The following PABPC4L variants were observed in gnomAD, a reference collection of about 807,000 sequenced individuals.
PABPC4L encodes poly(A) binding protein cytoplasmic 4 like.
For missense variants in PABPC4L, 452 were observed against 451.4 expected (o/e 1.00, Z -0.01); for synonymous variants, 169 against 164.1 (o/e 1.03, Z -0.23).
the PABPC4L span, among the ~76,000 whole-genome samples, chr4:134,144,637 T>G: frequency 6.6e-6 from 1 of 151,296 alleles, no homozygotes; most frequent in African/African-American, 2.4e-5. Context: ...TCTTTAAACC[T>G]ACTATAAACT....
At position 134,197,202 on chromosome 4, in the gene PABPC4L, A is replaced by T. The variant is rs1315882568; in HGVS notation, c.*2705T>A. ...TAGTATAAGAATCTATGTGAAACTCATATGCCAACTCTAATTCATTGGCTC... is the reference window on the plus strand; with the variant it reads ...TAGTATAAGAATCTATGTGAAACTCTTATGCCAACTCTAATTCATTGGCTC... On this transcript the variant is annotated 3_prime_UTR_variant, in exon 2 of 2. Coordinates refer to ENST00000421491, the MANE Select transcript of PABPC4L (RefSeq NM_001114734.2). 1.3e-5 allele frequency: 2 copies of T among 151,742 alleles called. No homozygotes were observed. The highest frequency in any genetic ancestry group is 2.4e-5 in the African/African-American group (1 of 41,432). 9.4% of individuals were successfully genotyped at this position (151,742 alleles called of 1,614,324 possible).
At chr4:134,166,195 G>C in the PABPC4L span, among the ~76,000 whole-genome samples, 1 of 152,092 alleles carries the variant, frequency 6.6e-6, no homozygotes, top group Non-Finnish European at 1.5e-5. Flanking sequence ...CTACTCAGGT[G>C]ATGGCTGCAC....
chr4:134,101,783 G>A, the PABPC4L span, among the ~76,000 whole-genome samples: 19 of 151,408 alleles, frequency 1.3e-4, no homozygotes, highest in African/African-American at 4.6e-4. Context: ...GATAAAGCAT[G>A]AGACAAGGCC....
At chr4:133,995,846 C>T in the PABPC4L span, among the ~76,000 whole-genome samples, 1 of 152,290 alleles carries the variant, frequency 6.6e-6, no homozygotes, top group Non-Finnish European at 1.5e-5. Flanking sequence ...GTTGTTTTAG[C>T]TAGCACTGAC....
chr4:134,055,414 G>T, the PABPC4L span, among the ~76,000 whole-genome samples: 1 of 151,788 alleles, frequency 6.6e-6, no homozygotes, highest in Non-Finnish European at 1.5e-5. Flanking sequence ...GTCGTGTAGG[G>T]ACACAATGAG....
the PABPC4L span, among the ~76,000 whole-genome samples, chr4:134,101,554 G>A: frequency 6.6e-6 from 1 of 150,926 alleles, no homozygotes; most frequent in Non-Finnish European, 1.5e-5. Flanking sequence ...AAAAAAAAAA[G>A]AATCTTATTT....
chr4:133,993,753 C>G, the PABPC4L span, among the ~76,000 whole-genome samples: 5 of 152,150 alleles, frequency 3.3e-5, no homozygotes, highest in South Asian at 2.1e-4. Context: ...GGGTCAAGCA[C>G]TGATGTCATA....
chr4:133,963,582 T>C, the PABPC4L span, among the ~76,000 whole-genome samples: 1 of 152,044 alleles, frequency 6.6e-6, no homozygotes, highest in Non-Finnish European at 1.5e-5. Flanking sequence ...AGATAGACCT[T>C]ATGATAGGCC....
chr4:134,201,331 T>C, intron 1 of PABPC4L, 86 bp from the exon 2 acceptor site: 1 of 1,281,248 alleles, frequency 7.8e-7, no homozygotes, highest in South Asian at 1.4e-5. Context: ...GGGCTGGCCC[T>C]CCATCTGAGC....
At chr4:134,007,706 T>G in the PABPC4L span, among the ~76,000 whole-genome samples, 1 of 151,694 alleles carries the variant, frequency 6.6e-6, no homozygotes, top group Non-Finnish European at 1.5e-5. Flanking sequence ...TTTGTATAAA[T>G]AATACTAATA....
chr4:134,095,387 C>A, the PABPC4L span, among the ~76,000 whole-genome samples: 1 of 151,856 alleles, frequency 6.6e-6, no homozygotes, highest in African/African-American at 2.4e-5. Flanking sequence ...AACATTTAAA[C>A]AAATGCATGT....
At chr4:134,055,341 C>T in the PABPC4L span, among the ~76,000 whole-genome samples, 1 of 151,818 alleles carries the variant, frequency 6.6e-6, no homozygotes, top group South Asian at 2.1e-4. Flanking sequence ...GGACTGGTGT[C>T]CTCATAAGAA....
the PABPC4L span, among the ~76,000 whole-genome samples, chr4:134,053,624 G>C: frequency 9.2e-5 from 14 of 152,076 alleles, no homozygotes; most frequent in African/African-American, 3.1e-4. Context: ...TACTTAAATT[G>C]CATCCCACAT....
At chr4:134,043,088 C>T in the PABPC4L span, among the ~76,000 whole-genome samples, 1 of 152,044 alleles carries the variant, frequency 6.6e-6, no homozygotes. Flanking sequence ...ATAAAAATGC[C>T]TTTGTTTTCT....
the PABPC4L span, among the ~76,000 whole-genome samples, chr4:134,182,651 A>G: frequency 2.0e-5 from 3 of 152,006 alleles, no homozygotes; most frequent in African/African-American, 7.2e-5. Flanking sequence ...AACTATCAAC[A>G]GAATAACAGA....
chr4:133,975,580 G>A, the PABPC4L span, among the ~76,000 whole-genome samples: 1 of 151,924 alleles, frequency 6.6e-6, no homozygotes, highest in Admixed American at 6.6e-5. Context: ...AGATACACTG[G>A]GGAAACTGAA....
At position 134,197,132 on chromosome 4, in the gene PABPC4L, T is replaced by A. The variant is rs1729684336; in HGVS notation, c.*2775A>T. ...CAGTCTTGTTGTCTGGTAAACCTTT[T>A]TAACAACTTTCTGCTTCTGATACAT... is the stretch of plus-strand genomic sequence containing the variant. On this transcript the variant is annotated 3_prime_UTR_variant, in exon 2 of 2. Coordinates refer to ENST00000421491, the MANE Select transcript of PABPC4L (RefSeq NM_001114734.2). 1 of 151,916 alleles carries A rather than the reference T, an allele frequency of 6.6e-6. No homozygotes were observed. The highest frequency in any genetic ancestry group is 2.4e-5 in the African/African-American group (1 of 41,572). The allele number at this position is 151,916 out of a possible 1,614,324, so 9.4% of individuals were successfully genotyped here.
the PABPC4L span, among the ~76,000 whole-genome samples, chr4:134,039,379 G>A: frequency 5.3e-5 from 8 of 152,038 alleles, no homozygotes; most frequent in Admixed American, 4.6e-4. Context: ...GAATAACATT[G>A]TTAATTTTCT....
chr4:134,065,157 C>T, the PABPC4L span, among the ~76,000 whole-genome samples: 3 of 151,882 alleles, frequency 2.0e-5, no homozygotes, highest in African/African-American at 7.3e-5. Context: ...TTAAGTTCTT[C>T]GAGAAATTGC....
Sources: gnomAD v4.1 joint callset for allele counts (sites outside exome capture counted in the v4.1 genomes callset) on GRCh38, gnomAD v4.1.1 for gene constraint, MANE v1.5 for transcripts, NCBI Gene and HGNC (gene_info 2026-07-23, HGNC 2026-07-21) for gene names.